The following BANK1 variants were observed in gnomAD, a reference collection of about 807,000 sequenced individuals.
BANK1 encodes B cell scaffold protein with ankyrin repeats 1, also known as B-cell scaffold protein with ankyrin repeats.
A neutral mutation model predicts 94.5 loss-of-function variants in BANK1; 95 were observed. That is an observed-to-expected ratio of 1.00 (90% CI 0.85 to 1.19). The LOEUF (loss-of-function observed/expected upper bound fraction) is 1.19, where lower values mean the gene tolerates loss of function less well. Among genes scored for constraint, BANK1 ranks in the 50% most tolerant of loss-of-function variants. The pLI is 0.00. For synonymous variants in BANK1, 334 were observed against 308.4 expected (o/e 1.08, Z -0.87); for missense variants, 987 against 932.2 (o/e 1.06, Z -0.77).
chr4:101,858,993 C>T (rs924542488), intron 3 of BANK1, among the ~76,000 whole-genome samples: 1 of 152,038 alleles, frequency 6.6e-6, no homozygotes, highest in Non-Finnish European at 1.5e-5. Flanking sequence ...TCTTAAAGGC[C>T]ATAAGAATCT....
chr4:101,804,938 G>A (rs6833764), intron 1 of BANK1, among the ~76,000 whole-genome samples: 84,030 of 151,968 alleles, frequency 0.55, 23,339 homozygotes, highest in South Asian at 0.68. Flanking sequence ...AGAATATTTT[G>A]AATGTGTGTG....
intron 7 of BANK1, among the ~76,000 whole-genome samples, chr4:101,935,403 G>C (rs1428652492): frequency 6.6e-6 from 1 of 151,458 alleles, no homozygotes; most frequent in Non-Finnish European, 1.5e-5. Context: ...TCATTAGTGG[G>C]GCACTGGGAC....
chr4:101,969,365 C>G (rs1223354755), intron 7 of BANK1, among the ~76,000 whole-genome samples: 1 of 151,968 alleles, frequency 6.6e-6, no homozygotes, highest in South Asian at 2.1e-4. Flanking sequence ...AATGCCTAGG[C>G]AACTAATTAT....
chr4:101,862,647 G>C lies in BANK1; in HGVS notation c.746G>C (p.Trp249Ser). The C allele has an allele frequency of 1.2e-6, 2 of 1,603,304 alleles. No homozygotes were observed. Among genetic ancestry groups the C allele is most frequent in the Non-Finnish European group, 1.7e-6 (2 of 1,175,626 alleles). Residue 249 changes from tryptophan (W) to serine (S), a missense_variant, in exon 4 of 17, where the codon TGG (tryptophan) becomes TCG (serine). Trp to Ser is a radical substitution (Grantham distance 177, BLOSUM62 -3). Transcript: ENST00000322953. ...TRPALWNKKV[W>S]CMKALEFPAG... ...CCAGCCCTTTGGAATAAGAAAGTCT[G>C]GTGCATGAAAGCTTTAGGTAAGAAT...
intron 5 of BANK1, among the ~76,000 whole-genome samples, chr4:101,885,293 GA>G (rs1192581831): frequency 1.3e-5 from 2 of 152,142 alleles, no homozygotes; most frequent in Non-Finnish European, 2.9e-5. Flanking sequence ...ATTTTGGGGT[GA>G]ATTAAAATAT....
intron 6 of BANK1, among the ~76,000 whole-genome samples, chr4:101,908,431 G>T (rs1274071575): frequency 6.6e-6 from 1 of 152,080 alleles, no homozygotes; most frequent in Non-Finnish European, 1.5e-5. Flanking sequence ...ACTTAAATGT[G>T]AGACGTAAAA....
intron 1 of BANK1, among the ~76,000 whole-genome samples, chr4:101,810,287 A>G (rs1725696630): frequency 6.6e-6 from 1 of 152,256 alleles, no homozygotes; most frequent in Admixed American, 6.5e-5. Flanking sequence ...GAACTGTAAG[A>G]TAATAGCTTG....
intron 1 of BANK1, among the ~76,000 whole-genome samples, chr4:101,819,423 A>AT (rs1726051441): frequency 1.3e-5 from 2 of 152,174 alleles, no homozygotes; most frequent in Non-Finnish European, 2.9e-5. Context: ...TAGCAACTTA[A>AT]GTAAGTTTTT....
chr4:102,023,852 T>C (rs941975577), intron 8 of BANK1, among the ~76,000 whole-genome samples: 3 of 152,238 alleles, frequency 2.0e-5, no homozygotes, highest in Admixed American at 1.3e-4. Flanking sequence ...GTTCCTTTGC[T>C]AGCCTGAGCA....
intron 10 of BANK1, among the ~76,000 whole-genome samples, chr4:102,030,980 G>A (rs1269772101): frequency 2.0e-5 from 3 of 152,114 alleles, no homozygotes; most frequent in African/African-American, 4.8e-5. Context: ...GGGTCAAATG[G>A]TATTTCTAGT....
At chr4:101,954,394 G>A (rs1039728016) in intron 7 of BANK1, among the ~76,000 whole-genome samples, 15 of 152,106 alleles carry the variant, frequency 9.9e-5, no homozygotes, top group Non-Finnish European at 1.9e-4. Context: ...TTATATTCTG[G>A]AATAGTTAGT....
intron 4 of BANK1, among the ~76,000 whole-genome samples, chr4:101,867,176 T>TAA (rs754806525): frequency 3.0e-5 from 1 of 33,372 alleles, no homozygotes; most frequent in Admixed American, 2.0e-4. Flanking sequence ...AAAAAAAATT[T>TAA]AAAAAAAAAA....
intron 7 of BANK1, among the ~76,000 whole-genome samples, chr4:101,966,934 T>C (rs1412807185): frequency 6.6e-6 from 1 of 152,076 alleles, no homozygotes; most frequent in Non-Finnish European, 1.5e-5. Flanking sequence ...ACAGTGCTTA[T>C]TCATCCAGAA....
chr4:101,797,052 A>C (rs1194058411), intron 1 of BANK1, among the ~76,000 whole-genome samples: 1 of 152,198 alleles, frequency 6.6e-6, no homozygotes. Context: ...TGTTTTAGAG[A>C]TTAGTCTTTT....
At chr4:102,029,523 TATATA>T (rs1727214434) in intron 9 of BANK1, among the ~76,000 whole-genome samples, 1 of 148,238 alleles carries the variant, frequency 6.7e-6, no homozygotes, top group African/African-American at 2.4e-5. Flanking sequence ...GTATATATAA[TATATA>T]AAATAATATA....
chr4:101,867,985 A>G (rs1277779202), intron 4 of BANK1, among the ~76,000 whole-genome samples: 1 of 151,598 alleles, frequency 6.6e-6, no homozygotes, highest in African/African-American at 2.4e-5. Context: ...AAGTTTAGTG[A>G]ATAGTCTAAG....
chr4:102,018,747 C>G (rs746754817), intron 7 of BANK1, among the ~76,000 whole-genome samples: 1 of 151,902 alleles, frequency 6.6e-6, no homozygotes, highest in Non-Finnish European at 1.5e-5. Context: ...ATTTTTTAAT[C>G]CAATCTCCAA....
At position 101,801,894 on chromosome 4, in the gene BANK1, A is replaced by C. The variant is rs1430653998; in HGVS notation, c.70+10944A>C. ...CACTTTTTAACACTCATTGTGTCAA[A>C]TATACTTTTCTTTCATAGCTTCTGT... is the stretch of plus-strand genomic sequence containing the variant. On this transcript the variant is annotated intron_variant, in intron 1 of 16. Transcript: ENST00000322953. Among the ~76,000 whole-genome samples the C allele has an allele frequency of 2.0e-5, 3 of 152,290 alleles. No homozygotes were observed. In the East Asian group the frequency reaches 5.8e-4, roughly 29 times the overall value.
At chr4:101,890,541 A>G (rs1177871357) in intron 5 of BANK1, among the ~76,000 whole-genome samples, 1 of 149,192 alleles carries the variant, frequency 6.7e-6, no homozygotes, top group African/African-American at 2.4e-5. Flanking sequence ...AAACCTGCTA[A>G]TTTTACTTAT....
Sources: allele counts gnomAD v4.1 joint callset (sites outside exome capture counted in the v4.1 genomes callset), GRCh38; gene constraint gnomAD v4.1.1; transcripts MANE v1.5; gene names NCBI Gene and HGNC (gene_info 2026-07-23, HGNC 2026-07-21).